The following BCLAF1 variants were observed in gnomAD, a reference collection of about 807,000 sequenced individuals.
The protein encoded by BCLAF1 is bcl-2-associated transcription factor 1.
A neutral mutation model predicts 99.5 loss-of-function variants in BCLAF1; 10 were observed. The observed-to-expected ratio is 0.10, with a 90% CI of 0.06 to 0.17. The LOEUF is 0.17. Among genes scored for constraint, BCLAF1 ranks in the 10% least tolerant of loss-of-function variants. The probability of loss-of-function intolerance (pLI) is 1.00; values close to 1 mark genes in which losing one functional copy is unlikely to be tolerated. For synonymous variants in BCLAF1, 255 were observed against 370.9 expected, an observed-to-expected ratio of 0.69 and a Z score of 3.59; for missense variants, 636 against 1,105.8, an observed-to-expected ratio of 0.58 and a Z score of 6.02.
At chr6:136,288,113 G>C (rs1300363038) in intron 1 of BCLAF1, among the ~76,000 whole-genome samples, 1 of 152,224 alleles carries the variant, frequency 6.6e-6, no homozygotes, top group Non-Finnish European at 1.5e-5. Flanking sequence ...GTTCCTCAAA[G>C]TCAAGAAGGG....
intron 11 of BCLAF1, among the ~76,000 whole-genome samples, chr6:136,264,251 G>A (rs1295683133): frequency 6.6e-6 from 1 of 152,148 alleles, no homozygotes; most frequent in African/African-American, 2.4e-5. Flanking sequence ...CTGTCACACA[G>A]GCTGGAGTAT....
At position 136,276,025 on chromosome 6, in the gene BCLAF1, T is replaced by C; in HGVS notation, c.1500A>G (p.Val500=). The change falls in exon 5 of 13, where the codon GTA becomes GTG. Residue 500 remains valine, a synonymous_variant. Transcript: ENST00000531224. ...VKKETQSPEQ[V]KSEKLKDLFD... ...AGAGGTCTTTGAGCTTTTCAGACTT[T>C]ACCTGCTCAGGTGACTGAGTTTCTT... is the stretch of plus-strand genomic sequence containing the variant. The C allele has an allele frequency of 3.7e-6, 6 of 1,610,474 alleles. No individual in the cohort carries two copies. The highest frequency in any genetic ancestry group is 1.1e-5 in the South Asian group (1 of 90,482).
chr6:136,275,991 T>C lies in BCLAF1; in HGVS notation c.1534A>G (p.Ser512Gly). 6.2e-7 allele frequency: 1 copy of C among 1,612,010 alleles called. No homozygotes were observed. Among genetic ancestry groups the C allele is most frequent in the Non-Finnish European group, 8.5e-7 (1 of 1,179,290 alleles). The change falls in exon 5 of 13, where the codon AGT becomes GGT. Residue 512 changes from serine to glycine, a missense_variant. This residue lies in a region of BCLAF1 where 186 missense variants were observed against 275.3 expected (regional missense o/e 0.68). Transcript: ENST00000531224. ...TCCAGATTCTTGTGTAGAGGGGGAC[T>C]GTAATCAAAGAGGTCTTTGAGCTTT... ...SEKLKDLFDY[S>G]PPLHKNLDAR...
At chr6:136,284,497 A>G (rs1784853591) in intron 1 of BCLAF1, among the ~76,000 whole-genome samples, 1 of 152,328 alleles carries the variant, frequency 6.6e-6, no homozygotes, top group Admixed American at 6.5e-5. Context: ...AACCAAATCG[A>G]GAACAGTTAT....
At chr6:136,279,706 A>G (rs1252669329) in intron 3 of BCLAF1, 57 bp downstream of exon 3, 4 of 1,392,066 alleles carry the variant, frequency 2.9e-6, no homozygotes, top group Non-Finnish European at 3.8e-6. Flanking sequence ...TACGATACTC[A>G]TTCAACAAGT....
chr6:136,264,807 T>A (rs1781493993), intron 11 of BCLAF1, among the ~76,000 whole-genome samples: 1 of 152,204 alleles, frequency 6.6e-6, no homozygotes, highest in Admixed American at 6.5e-5. Flanking sequence ...CTAGTGAGCA[T>A]CATCAGTCTG....
At chr6:136,270,229 T>G (rs1782326073) in intron 8 of BCLAF1, 1 of 151,968 alleles carries the variant, frequency 6.6e-6, no homozygotes, top group African/African-American at 2.4e-5. Flanking sequence ...CAGAAAGATA[T>G]TCGCAATCCT....
chr6:136,278,918 A>C, intron 3 of BCLAF1, 142 bp from the exon 4 acceptor site: 1 of 819,214 alleles, frequency 1.2e-6, no homozygotes, highest in Non-Finnish European at 1.7e-6. Flanking sequence ...ACAAAAGTTA[A>C]TGGTTTCCAA....
intron 10 of BCLAF1, among the ~76,000 whole-genome samples, chr6:136,267,905 G>A (rs1254457457): frequency 6.6e-6 from 1 of 151,804 alleles, no homozygotes; most frequent in African/African-American, 2.4e-5. Flanking sequence ...CTTGACTCTT[G>A]GTCTTTAAGG....
intron 9 of BCLAF1, chr6:136,268,954 C>G: frequency 3.4e-6 from 1 of 296,718 alleles, no homozygotes; most frequent in Non-Finnish European, 5.4e-6. Flanking sequence ...GTGGTTAACT[C>G]TTACCACTGC....
At chr6:136,280,169 T>C (rs1463458076) in intron 2 of BCLAF1, among the ~76,000 whole-genome samples, 5 of 152,134 alleles carry the variant, frequency 3.3e-5, no homozygotes, top group African/African-American at 1.2e-4. Context: ...GAAAAAGCAA[T>C]GAGACTGCAG....
At chr6:136,268,871 C>T (rs1782117237) in intron 9 of BCLAF1, among the ~76,000 whole-genome samples, 1 of 151,864 alleles carries the variant, frequency 6.6e-6, no homozygotes, top group Non-Finnish European at 1.5e-5. Flanking sequence ...ATCTATAATA[C>T]TTTGTGTTCC....
chr6:136,287,835 A>G (rs910617582), intron 1 of BCLAF1, among the ~76,000 whole-genome samples: 14 of 152,150 alleles, frequency 9.2e-5, no homozygotes, highest in Non-Finnish European at 1.5e-4. Flanking sequence ...TTCGAGACCA[A>G]TATTGTGAAA....
At position 136,275,489 on chromosome 6, in the gene BCLAF1, G is replaced by A. The variant is rs975590932; in HGVS notation, c.1852+43C>T. 20 of 1,437,568 alleles carry A rather than the reference G, an allele frequency of 1.4e-5. No individual in the cohort carries two copies. In the African/African-American group the frequency reaches 2.3e-4, roughly 17 times the overall value. 89.1% of individuals were successfully genotyped at this position (1,437,568 alleles called of 1,614,324 possible). A position where few individuals can be genotyped will look rare whatever the true frequency, so the allele number is the denominator to read the frequency against. On this transcript the variant is annotated intron_variant, in intron 6 of 12. Coordinates refer to ENST00000531224, the MANE Select transcript of BCLAF1 (RefSeq NM_014739.3). ...TAATTACACATTTTTTTATTTGCAT[G>A]CAAGAGAAATTTAATTCACGATACT...
intron 5 of BCLAF1, 30 bp downstream of exon 5, chr6:136,275,813 A>G (rs759775273): frequency 1.3e-5 from 21 of 1,593,946 alleles, no homozygotes; most frequent in Non-Finnish European, 1.6e-5. Context: ...CTGCCCACAG[A>G]TTATTTACTG....
chr6:136,261,425 C>T lies in BCLAF1; in HGVS notation c.2597G>A (p.Arg866His), dbSNP rs755025021. The T allele has an allele frequency of 6.2e-7, 1 of 1,613,814 alleles. No individual in the cohort carries two copies. Among genetic ancestry groups the T allele is most frequent in the Non-Finnish European group, 8.5e-7 (1 of 1,179,838 alleles). ...CCCTCTGCCACGTTGAAAAGTACCA[C>T]GACCTCTTCCTCTTTTGGCCCAATA... Reference protein sequence around the residue: ...VDYWAKRGRGRGTFQRGRGRF... With the variant: ...VDYWAKRGRGHGTFQRGRGRF... Residue 866 changes from arginine (R) to histidine (H), a missense_variant, in exon 12 of 13, where the codon CGT becomes CAT. By Grantham distance (29) the Arg-to-His change is conservative (BLOSUM62 0). Around this residue, in one of 9 missense-constraint regions of BCLAF1, gnomAD observed 57 missense variants for 116.7 expected, o/e 0.49. Coordinates refer to ENST00000531224, the MANE Select transcript of BCLAF1 (RefSeq NM_014739.3).
chr6:136,273,919 A>C, intron 6 of BCLAF1: 1 of 1,082,894 alleles, frequency 9.2e-7, no homozygotes, highest in Admixed American at 3.9e-5. Context: ...TTATGAAGCA[A>C]GCTATCTGCT....
rs540517804 is a variant in BCLAF1, at chr6:136,289,324, C to CG, written c.-115+388dup. 1.1e-4 allele frequency among the ~76,000 whole-genome samples: 17 copies of CG among 152,320 alleles called. No homozygotes were observed. The South Asian group carries it at 2.7e-3, about 24-fold the overall frequency. On this transcript the variant is annotated intron_variant, in intron 1 of 12. Coordinates refer to ENST00000531224, the MANE Select transcript of BCLAF1 (RefSeq NM_014739.3). ...CTCCAGCGGCCGTCGGCGCCATAGG[C>CG]GGGGGAGAGAAAAATGAACGAGCGC...
In BCLAF1 at chr6:136,276,320, G is replaced by A. The variant is rs1446327573; in HGVS notation, c.1205C>T (p.Thr402Ile). 1 of 1,566,998 alleles carries A rather than the reference G, an allele frequency of 6.4e-7. No homozygotes were observed. Among genetic ancestry groups the A allele is most frequent in the East Asian group, 2.3e-5 (1 of 44,436 alleles). The change falls in exon 5 of 13, where the codon ACA (threonine) becomes ATA (isoleucine). Residue 402 changes from threonine (T) to isoleucine (I), a missense_variant. Thr to Ile is a moderately conservative substitution (Grantham distance 89, BLOSUM62 -1). Transcript: ENST00000531224. ...CTGTCTATAATCCTCTGTCTCCTCT[G>A]TGTCATCCCCTTCTGAATCATTAAA... The part of the protein sequence containing the change: ...QKFNDSEGDD[T>I]EETEDYRQFR...
Sources: allele counts gnomAD v4.1 joint callset (sites outside exome capture counted in the v4.1 genomes callset), GRCh38; gene constraint gnomAD v4.1.1; regional missense constraint gnomAD v4.1.1; transcripts MANE v1.5; gene names NCBI Gene and HGNC (gene_info 2026-07-23, HGNC 2026-07-21).